The following GARIN2 variants were observed in gnomAD, a reference collection of about 807,000 sequenced individuals.
GARIN2 encodes the protein Golgi-associated RAB2 interactor protein 2.
At chr14:67,195,822 C>T in the GARIN2 span, among the ~76,000 whole-genome samples, 1 of 151,592 alleles carries the variant, frequency 6.6e-6, no homozygotes, top group Admixed American at 6.6e-5. Context: ...CAGCTCACTG[C>T]CATCTCCGCC....
At chr14:67,216,609 C>T in the GARIN2 span, among the ~76,000 whole-genome samples, 1 of 151,936 alleles carries the variant, frequency 6.6e-6, no homozygotes, top group Admixed American at 6.6e-5. Context: ...TTTCTATTTC[C>T]ATTTGTATCA....
At chr14:67,227,210 G>A in the GARIN2 span, among the ~76,000 whole-genome samples, 1 of 152,080 alleles carries the variant, frequency 6.6e-6, no homozygotes, top group Non-Finnish European at 1.5e-5. Flanking sequence ...GGGAGGCTGA[G>A]GTGGGTGGAT....
chr14:67,192,909 T>C, the GARIN2 span, among the ~76,000 whole-genome samples: 1 of 146,566 alleles, frequency 6.8e-6, no homozygotes, highest in Admixed American at 6.9e-5. Context: ...TCTAGATATA[T>C]ATAGATATAT....
At chr14:67,193,393 A>G in the GARIN2 span, among the ~76,000 whole-genome samples, 3 of 140,978 alleles carry the variant, frequency 2.1e-5, no homozygotes, top group Non-Finnish European at 4.6e-5. Flanking sequence ...ATATCTAGAT[A>G]TATCTAGATA....
chr14:67,191,737 A>C, the GARIN2 span, among the ~76,000 whole-genome samples: 1 of 152,236 alleles, frequency 6.6e-6, no homozygotes, highest in Non-Finnish European at 1.5e-5. Flanking sequence ...TCTAGAGAGC[A>C]GCTGAAGTGG....
At chr14:67,209,214 A>G in the GARIN2 span, among the ~76,000 whole-genome samples, 1 of 152,210 alleles carries the variant, frequency 6.6e-6, no homozygotes, top group Non-Finnish European at 1.5e-5. Flanking sequence ...TCAAGTCCAT[A>G]TCTCATGGAG....
At chr14:67,210,856 T>G in the GARIN2 span, among the ~76,000 whole-genome samples, 1 of 151,846 alleles carries the variant, frequency 6.6e-6, no homozygotes, top group South Asian at 2.1e-4. Context: ...CTACAAAAAT[T>G]AGTTAGATGT....
chr14:67,219,396 C>T, the GARIN2 span, among the ~76,000 whole-genome samples: 722 of 152,272 alleles, frequency 4.7e-3, 11 homozygotes, highest in African/African-American at 0.017. Flanking sequence ...TCTCTGCTCC[C>T]CAGCTGCCCT....
chr14:67,199,299 A>C, the GARIN2 span: 1 of 1,607,460 alleles, frequency 6.2e-7, no homozygotes, highest in Admixed American at 1.7e-5. Context: ...ATCAGACTCT[A>C]TGGGAAGCCA....
chr14:67,193,625 C>A, the GARIN2 span, among the ~76,000 whole-genome samples: 1 of 144,136 alleles, frequency 6.9e-6, no homozygotes, highest in Non-Finnish European at 1.5e-5. Flanking sequence ...AGAAATATAT[C>A]TATCTATATA....
At chr14:67,194,129 G>A in the GARIN2 span, among the ~76,000 whole-genome samples, 6 of 151,616 alleles carry the variant, frequency 4.0e-5, no homozygotes, top group South Asian at 2.1e-4. Context: ...TTGGGAGGCC[G>A]AGGTGGGCAG....
the GARIN2 span, among the ~76,000 whole-genome samples, chr14:67,214,682 G>C: frequency 2.0e-5 from 3 of 151,854 alleles, no homozygotes; most frequent in African/African-American, 7.3e-5. Context: ...CTTTAAAGTA[G>C]TTTTTTCCAA....
chr14:67,199,249 T>A, the GARIN2 span: 1 of 1,599,298 alleles, frequency 6.3e-7, no homozygotes, highest in Non-Finnish European at 8.6e-7. Flanking sequence ...AATTCTTGAG[T>A]GAGGATGATG....
the GARIN2 span, among the ~76,000 whole-genome samples, chr14:67,195,713 TTGTGTGTGTGTG>T: frequency 1.3e-4 from 18 of 143,344 alleles, no homozygotes; most frequent in Admixed American, 2.8e-4. Flanking sequence ...TTCTTTTTGG[TTGTGTGTGTGTG>T]TGTGTGTGTG....
chr14:67,215,547 T>C, the GARIN2 span, among the ~76,000 whole-genome samples: 1 of 149,902 alleles, frequency 6.7e-6, no homozygotes, highest in Admixed American at 6.6e-5. Flanking sequence ...AGAGTGAGAG[T>C]AAAGTAGGAA....
the GARIN2 span, among the ~76,000 whole-genome samples, chr14:67,202,326 A>G: frequency 2.0e-5 from 3 of 152,146 alleles, 1 homozygote; most frequent in South Asian, 6.2e-4. Context: ...CTGTAATCCC[A>G]GCTACTTGGG....
chr14:67,194,654 C>T, the GARIN2 span, among the ~76,000 whole-genome samples: 25 of 151,928 alleles, frequency 1.6e-4, no homozygotes, highest in East Asian at 7.8e-4. Context: ...TACAGGCATG[C>T]GCCACCACAC....
At chr14:67,190,384 TG>T in the GARIN2 span, among the ~76,000 whole-genome samples, 1 of 151,764 alleles carries the variant, frequency 6.6e-6, no homozygotes, top group South Asian at 2.1e-4. Flanking sequence ...CCACCATGCC[TG>T]GCTAATTTTT....
the GARIN2 span, among the ~76,000 whole-genome samples, chr14:67,216,438 A>G: frequency 6.6e-6 from 1 of 151,480 alleles, no homozygotes; most frequent in African/African-American, 2.4e-5. Flanking sequence ...TTCTTCTACT[A>G]ATTTTGAGTT....
Sources: allele counts gnomAD v4.1 joint callset (sites outside exome capture counted in the v4.1 genomes callset), GRCh38; gene constraint gnomAD v4.1.1; transcripts MANE v1.5; gene names NCBI Gene and HGNC (gene_info 2026-07-23, HGNC 2026-07-21).